The following SMOC2 variants were observed in gnomAD, a reference collection of about 807,000 sequenced individuals.
SMOC2 encodes SPARC-related modular calcium-binding protein 2.
A neutral mutation model predicts 61.4 loss-of-function variants in SMOC2; 39 were observed. The observed-to-expected ratio is 0.64, with a 90% CI of 0.49 to 0.83. SMOC2 has a LOEUF of 0.83. Ranked by LOEUF, SMOC2 falls within the 40% of genes least tolerant of loss-of-function variation. The pLI, the probability that SMOC2 is intolerant of heterozygous loss-of-function variation, is 0.00. For synonymous variants in SMOC2, 247 were observed against 239.9 expected (o/e 1.03, Z -0.27); for missense variants, 556 against 592.9 (o/e 0.94, Z 0.65).
chr6:168,496,940 G>GACCGGAGCCCCCACCGCCTCTCCTC (rs1349724080), intron 1 of SMOC2, among the ~76,000 whole-genome samples: 2 of 152,264 alleles, frequency 1.3e-5, no homozygotes, highest in Non-Finnish European at 2.9e-5. Context: ...ACAGGAGCCT[G>GACCGGAGCCCCCACCGCCTCTCCTC]ACCGGAGCCC....
chr6:168,645,116 C>A (rs539183960), intron 9 of SMOC2, among the ~76,000 whole-genome samples: 4 of 152,282 alleles, frequency 2.6e-5, no homozygotes, highest in Non-Finnish European at 4.4e-5. Context: ...CAAGACAAAA[C>A]TGGATTTAAT....
intron 8 of SMOC2, among the ~76,000 whole-genome samples, chr6:168,602,811 C>A (rs1785585383): frequency 6.6e-6 from 1 of 152,200 alleles, no homozygotes; most frequent in Non-Finnish European, 1.5e-5. Flanking sequence ...GGTGCCGGCA[C>A]AGGCCTCTCT....
intron 2 of SMOC2, among the ~76,000 whole-genome samples, chr6:168,519,116 T>C (rs201922084): frequency 2.9e-5 from 3 of 101,982 alleles, no homozygotes; most frequent in East Asian, 4.6e-4. Flanking sequence ...AACGCGTGTG[T>C]ATGCATGCAT....
chr6:168,552,111 A>C (rs1784142344), intron 7 of SMOC2, among the ~76,000 whole-genome samples: 1 of 152,212 alleles, frequency 6.6e-6, no homozygotes, highest in African/African-American at 2.4e-5. Flanking sequence ...GTTTAATACC[A>C]GTTTTCTAGC....
chr6:168,607,587 T>TC (rs1785732695), intron 8 of SMOC2, among the ~76,000 whole-genome samples: 2 of 141,948 alleles, frequency 1.4e-5, no homozygotes, highest in African/African-American at 5.1e-5. Context: ...AGAGAGTCGT[T>TC]TTTTTTTTTT....
intron 1 of SMOC2, among the ~76,000 whole-genome samples, chr6:168,451,599 G>GTCTC (rs59096709): frequency 0.2 from 29,416 of 145,358 alleles, 3,025 homozygotes; most frequent in Admixed American, 0.26. Flanking sequence ...CTCTGTCTCT[G>GTCTC]TCTCTCTCTC....
intron 7 of SMOC2, among the ~76,000 whole-genome samples, chr6:168,569,922 T>C (rs535081436): frequency 3.8e-4 from 58 of 152,352 alleles, no homozygotes; most frequent in South Asian, 2.3e-3. Context: ...TAAAGAGTCA[T>C]CACCGAATCC....
chr6:168,562,789 G>C (rs1784451111), intron 7 of SMOC2, among the ~76,000 whole-genome samples: 1 of 152,208 alleles, frequency 6.6e-6, no homozygotes, highest in South Asian at 2.1e-4. Flanking sequence ...TGCCCCGGGA[G>C]AGCGTTGCCC....
chr6:168,625,826 G>T (rs1786394493), intron 9 of SMOC2, among the ~76,000 whole-genome samples: 1 of 152,226 alleles, frequency 6.6e-6, no homozygotes, highest in East Asian at 1.9e-4. Context: ...GAGCCAGGAA[G>T]GCCGGCCTGT....
chr6:168,547,321 C>CT, intron 6 of SMOC2, 152 bp downstream of exon 6: 1 of 626,896 alleles, frequency 1.6e-6, no homozygotes, highest in African/African-American at 2.2e-5. Flanking sequence ...CGTGATCTTA[C>CT]TTATATGTGG....
chr6:168,463,296 G>A (rs974981442), intron 1 of SMOC2, among the ~76,000 whole-genome samples: 1 of 152,174 alleles, frequency 6.6e-6, no homozygotes, highest in Non-Finnish European at 1.5e-5. Flanking sequence ...TGGCTGTGGC[G>A]AAATCAAGGC....
rs763598813 is a variant in SMOC2 at position 168,664,098 on chromosome 6, C to T, written c.1310C>T (p.Thr437Met). Residue 437 changes from threonine (T) to methionine (M), a missense_variant, in exon 12 of 13, where the codon ACG becomes ATG. By Grantham distance (81) the Thr-to-Met change is moderately conservative. Coordinates refer to ENST00000356284, the MANE Select transcript of SMOC2 (RefSeq NM_001166412.2). ...RHTPRGHAES[T>M]SNRQPRKQG ...GCCCCCAGAGGTCATGCTGAAAGTA[C>T]GTCTAATAGACAGGTAAGTATGTTT... is the stretch of plus-strand genomic sequence containing the variant. 2.1e-5 allele frequency: 34 copies of T among 1,603,846 alleles called. No individual in the cohort carries two copies. The highest frequency in any genetic ancestry group is 1.2e-4 in the African/African-American group (9 of 74,728).
At chr6:168,540,059 T>C (rs1464780618) in intron 4 of SMOC2, among the ~76,000 whole-genome samples, 1 of 152,258 alleles carries the variant, frequency 6.6e-6, no homozygotes, top group Non-Finnish European at 1.5e-5. Flanking sequence ...AAGAGCTATA[T>C]AGACATCAGC....
intron 8 of SMOC2, among the ~76,000 whole-genome samples, chr6:168,602,504 C>T (rs914765298): frequency 3.3e-5 from 5 of 152,166 alleles, no homozygotes; most frequent in South Asian, 2.1e-4. Flanking sequence ...ACTAATTGGC[C>T]GGAATATCAC....
At chr6:168,509,072 T>C (rs909375965) in intron 1 of SMOC2, among the ~76,000 whole-genome samples, 2 of 152,094 alleles carry the variant, frequency 1.3e-5, no homozygotes, top group African/African-American at 4.8e-5. Flanking sequence ...GGTCAGGAAG[T>C]GGCAGGACAC....
At chr6:168,563,277 TGTAA>T (rs1784463409) in intron 7 of SMOC2, among the ~76,000 whole-genome samples, 1 of 138,776 alleles carries the variant, frequency 7.2e-6, no homozygotes, top group African/African-American at 2.8e-5. Context: ...TATGTATGTA[TGTAA>T]GTTTTATGTG....
intron 7 of SMOC2, among the ~76,000 whole-genome samples, chr6:168,567,024 A>G (rs529979811): frequency 2.6e-5 from 4 of 152,238 alleles, no homozygotes; most frequent in Admixed American, 6.5e-5. Context: ...TTTATAGCTC[A>G]TAACTCTTTG....
At chr6:168,641,412 A>G (rs1786887934) in intron 9 of SMOC2, among the ~76,000 whole-genome samples, 1 of 152,192 alleles carries the variant, frequency 6.6e-6, no homozygotes, top group Admixed American at 6.5e-5. Flanking sequence ...AAGCTCCTTG[A>G]GGGCAAAATT....
In SMOC2 at chr6:168,509,900, T is replaced by C. The variant is rs1334617698; in HGVS notation, c.85-15T>C. On this transcript the variant is annotated splice_polypyrimidine_tract_variant and intron_variant, in intron 1 of 12. Transcript: ENST00000356284. ...TGTCTTTAAATTTGTCTGGCTTCTT[T>C]TTTTCTCCTTTAAGTTTTTGAGAGT... The C allele has an allele frequency of 3.2e-6, 5 of 1,579,972 alleles. No homozygotes were observed. The African/African-American group carries it at 4.1e-5, about 13-fold the overall frequency.
Sources: allele counts gnomAD v4.1 joint callset (sites outside exome capture counted in the v4.1 genomes callset), GRCh38; gene constraint gnomAD v4.1.1; transcripts MANE v1.5; gene names NCBI Gene and HGNC (gene_info 2026-07-23, HGNC 2026-07-21).